Variants in ZNF385D observed in about 807,000 individuals in gnomAD.
The protein encoded by ZNF385D is zinc finger protein 385D.
Under a neutral mutation model 35.8 loss-of-function variants are expected in ZNF385D, and 15 were observed. That is an observed-to-expected ratio of 0.42 (90% CI 0.28 to 0.64). The LOEUF (loss-of-function observed/expected upper bound fraction) is 0.64. Ranked by LOEUF, ZNF385D falls within the 30% of genes least tolerant of loss-of-function variation. ZNF385D has a pLI of 0.23. For synonymous variants in ZNF385D, 212 were observed against 186.8 expected (o/e 1.13, Z -1.10); for missense variants, 474 against 494.6 (o/e 0.96, Z 0.39).
intron 3 of ZNF385D, among the ~76,000 whole-genome samples, chr3:22,058,161 A>T (rs185401844): frequency 6.6e-6 from 1 of 151,738 alleles, no homozygotes; most frequent in Admixed American, 6.6e-5. Context: ...TTGGTAACTC[A>T]TAAGTTGATA....
At chr3:21,559,851 G>T (rs1413208086) in intron 3 of ZNF385D, among the ~76,000 whole-genome samples, 1 of 152,142 alleles carries the variant, frequency 6.6e-6, no homozygotes, top group African/African-American at 2.4e-5. Context: ...TGGAGGCTTT[G>T]TTTGTTTCTT....
intron 3 of ZNF385D, among the ~76,000 whole-genome samples, chr3:21,982,323 G>T (rs189750415): frequency 1.3e-5 from 2 of 151,942 alleles, no homozygotes; most frequent in Admixed American, 6.6e-5. Context: ...GGTTTTCTAG[G>T]TATTTTATTC....
chr3:21,882,313 G>A (rs1245066755), intron 3 of ZNF385D, among the ~76,000 whole-genome samples: 2 of 151,906 alleles, frequency 1.3e-5, no homozygotes, highest in African/African-American at 2.4e-5. Context: ...CAGCCAGCAG[G>A]CATCAACATC....
chr3:22,267,017 A>C (rs780398365), intron 2 of ZNF385D, among the ~76,000 whole-genome samples: 1 of 151,978 alleles, frequency 6.6e-6, no homozygotes, highest in Non-Finnish European at 1.5e-5. Flanking sequence ...TGAATTATTT[A>C]AAGTGAAACA....
intron 3 of ZNF385D, among the ~76,000 whole-genome samples, chr3:22,030,634 A>G (rs998404235): frequency 6.6e-6 from 1 of 152,068 alleles, no homozygotes; most frequent in African/African-American, 2.4e-5. Flanking sequence ...CCCTTGACAC[A>G]TGAAGATTAC....
chr3:21,510,893 G>T lies in ZNF385D; in HGVS notation c.407C>A (p.Thr136Asn), dbSNP rs1191822607. The change falls in exon 4 of 8, where the codon ACC becomes AAC. Residue 136 changes from threonine to asparagine, a missense_variant. Thr to Asn is a moderately conservative substitution (Grantham distance 65, BLOSUM62 0). Coordinates refer to ENST00000281523, the MANE Select transcript of ZNF385D (RefSeq NM_024697.3). Reference sequence around the variant, plus strand: ...GTCAGAGCTGGTATTGATGGTATTGGTAGTGATGGAGGTGAAGGTAGTCTT... The same window carrying T: ...GTCAGAGCTGGTATTGATGGTATTGTTAGTGATGGAGGTGAAGGTAGTCTT... ...SAKTTFTSITTNTINTSSDKT... is the reference protein window; with the variant it reads ...SAKTTFTSITNNTINTSSDKT... The T allele has an allele frequency of 1.2e-6, 2 of 1,614,118 alleles. No homozygotes were observed. The highest frequency in any genetic ancestry group is 1.1e-5 in the South Asian group (1 of 91,086).
At chr3:21,553,516 C>T (rs911771510) in intron 3 of ZNF385D, among the ~76,000 whole-genome samples, 1 of 152,130 alleles carries the variant, frequency 6.6e-6, no homozygotes, top group Non-Finnish European at 1.5e-5. Flanking sequence ...GTGTAGATAG[C>T]TATTGGCTGA....
chr3:21,898,095 G>A (rs191777165), intron 3 of ZNF385D, among the ~76,000 whole-genome samples: 2 of 152,084 alleles, frequency 1.3e-5, no homozygotes, highest in Non-Finnish European at 2.9e-5. Context: ...GGAAGTATGT[G>A]AATGAAAATG....
chr3:21,559,367 C>CA (rs560250670), intron 3 of ZNF385D, among the ~76,000 whole-genome samples: 2 of 152,070 alleles, frequency 1.3e-5, no homozygotes, highest in African/African-American at 4.8e-5. Flanking sequence ...CGGGTGGTGA[C>CA]AAAATCTCTT....
intron 3 of ZNF385D, among the ~76,000 whole-genome samples, chr3:21,896,739 G>T (rs1184140583): frequency 6.6e-6 from 1 of 152,064 alleles, no homozygotes; most frequent in Non-Finnish European, 1.5e-5. Context: ...GGGTGGGAAG[G>T]GCTCATGATA....
chr3:22,350,592 A>G (rs991588039), intron 2 of ZNF385D, among the ~76,000 whole-genome samples: 1 of 152,132 alleles, frequency 6.6e-6, no homozygotes, highest in African/African-American at 2.4e-5. Context: ...TATGTACAAA[A>G]TATCACCTAG....
At chr3:21,571,835 C>G (rs1401441402) in intron 2 of ZNF385D, among the ~76,000 whole-genome samples, 1 of 152,192 alleles carries the variant, frequency 6.6e-6, no homozygotes, top group African/African-American at 2.4e-5. Flanking sequence ...TGAAGAGACA[C>G]ATAGGGCTAG....
At chr3:21,886,179 A>G (rs891582362) in intron 3 of ZNF385D, among the ~76,000 whole-genome samples, 22 of 151,994 alleles carry the variant, frequency 1.4e-4, no homozygotes, top group African/African-American at 4.8e-4. Context: ...CCTTATCTCA[A>G]TTCTACCTGT....
At chr3:21,750,005 A>G (rs2069981989) in intron 1 of ZNF385D, among the ~76,000 whole-genome samples, 1 of 152,242 alleles carries the variant, frequency 6.6e-6, no homozygotes, top group Admixed American at 6.5e-5. Flanking sequence ...ACCTTTTAAT[A>G]TCGCATAGAT....
chr3:22,205,206 G>A (rs1245851019), intron 2 of ZNF385D, among the ~76,000 whole-genome samples: 1 of 151,900 alleles, frequency 6.6e-6, no homozygotes, highest in African/African-American at 2.4e-5. Flanking sequence ...AGAAGAGAGT[G>A]ACATGACAGG....
chr3:21,600,253 T>A (rs1408537254), intron 2 of ZNF385D, among the ~76,000 whole-genome samples: 3 of 152,218 alleles, frequency 2.0e-5, no homozygotes, highest in African/African-American at 7.2e-5. Context: ...CTCTACTTTC[T>A]TAATAAACTT....
At chr3:22,173,507 G>A (rs1306465624) in intron 2 of ZNF385D, among the ~76,000 whole-genome samples, 1 of 152,054 alleles carries the variant, frequency 6.6e-6, no homozygotes, top group East Asian at 1.9e-4. Flanking sequence ...GGAAAATAGA[G>A]CAGAGACCAT....
chr3:22,006,160 G>A (rs552130218), intron 3 of ZNF385D, among the ~76,000 whole-genome samples: 1 of 152,020 alleles, frequency 6.6e-6, no homozygotes, highest in Non-Finnish European at 1.5e-5. Context: ...TAAAAACAGA[G>A]GCAAAATGAA....
intron 3 of ZNF385D, among the ~76,000 whole-genome samples, chr3:21,875,164 G>A (rs1302195859): frequency 6.6e-6 from 1 of 151,952 alleles, no homozygotes; most frequent in Admixed American, 6.6e-5. Flanking sequence ...AGTACGTATG[G>A]TTTTCTACAT....
Sources: gnomAD v4.1 joint callset for allele counts (sites outside exome capture counted in the v4.1 genomes callset) on GRCh38, gnomAD v4.1.1 for gene constraint, MANE v1.5 for transcripts, NCBI Gene and HGNC (gene_info 2026-07-23, HGNC 2026-07-21) for gene names.